Variants in UGT2B10 observed in about 807,000 individuals in gnomAD.
The protein encoded by UGT2B10 is UDP glucuronosyltransferase family 2 member B10, also known as UDP-glucuronosyltransferase 2B10.
A neutral mutation model predicts 43.7 loss-of-function variants in UGT2B10; 51 were observed. The ratio of observed to expected loss-of-function variants is 1.17; its 90% CI spans 0.93 to 1.47. The LOEUF is 1.47. UGT2B10 is among the 40% of genes most tolerant of loss of function. The probability of loss-of-function intolerance (pLI) is 0.00; values close to 1 mark genes in which losing one functional copy is unlikely to be tolerated. For synonymous variants in UGT2B10, 225 were observed against 209.0 expected (o/e 1.08, Z -0.66); for missense variants, 696 against 617.7 (o/e 1.13, Z -1.34).
rs373796027 is a variant in UGT2B10, at chr4:68,826,410, G to A, written c.1000G>A (p.Val334Ile). Residue 334 changes from valine to isoleucine, a missense_variant and splice_region_variant, in exon 4 of 6, where the codon GTT becomes ATT. Transcript: ENST00000265403. ...ATALAKIPQK[V>I]LWRFDGNKPD... ...TAAGATATTCTCTTTACTGTAACAG[G>A]TTCTTTGGAGATTTGATGGGAATAA... The A allele has an allele frequency of 3.7e-6, 6 of 1,609,966 alleles. No individual in the cohort carries two copies. Among genetic ancestry groups the A allele is most frequent in the East Asian group, 2.2e-5 (1 of 44,694 alleles).
At chr4:68,819,311 A>G (rs1485358569) in intron 2 of UGT2B10, among the ~76,000 whole-genome samples, 1 of 151,944 alleles carries the variant, frequency 6.6e-6, no homozygotes, top group Non-Finnish European at 1.5e-5. Flanking sequence ...CAGCACATCA[A>G]GGTTATATTG....
intron 3 of UGT2B10, among the ~76,000 whole-genome samples, chr4:68,825,581 A>T (rs1294272129): frequency 6.6e-6 from 1 of 152,016 alleles, no homozygotes; most frequent in African/African-American, 2.4e-5. Flanking sequence ...ATAAGTGAGG[A>T]CTTGTTACAC....
At position 68,829,594 on chromosome 4, in the gene UGT2B10, C is replaced by T. The variant is rs1737980091; in HGVS notation, c.1308-1006C>T. On this transcript the variant is annotated intron_variant, in intron 5 of 5. Coordinates refer to ENST00000265403, the MANE Select transcript of UGT2B10 (RefSeq NM_001075.6). ...ACAGAGAAAATCCTAGAGGTTCCGT[C>T]AGATTGTGGCCAGTAAAAGCCTCTC... Among the ~76,000 whole-genome samples the T allele has an allele frequency of 2.0e-5, 3 of 151,872 alleles. No homozygotes were observed. In the South Asian group the frequency reaches 6.2e-4, roughly 31 times the overall value.
intron 1 of UGT2B10, among the ~76,000 whole-genome samples, chr4:68,817,289 C>T (rs531636459): frequency 1.3e-5 from 2 of 151,778 alleles, no homozygotes; most frequent in South Asian, 4.1e-4. Context: ...TTTCTATACT[C>T]CTTCACTAAA....
At chr4:68,821,022 G>A (rs1206402502) in intron 2 of UGT2B10, among the ~76,000 whole-genome samples, 1 of 152,048 alleles carries the variant, frequency 6.6e-6, no homozygotes, top group Non-Finnish European at 1.5e-5. Flanking sequence ...TGTGGCTACA[G>A]GTAACTGCAA....
chr4:68,829,904 T>C (rs1380027942), intron 5 of UGT2B10, among the ~76,000 whole-genome samples: 2 of 152,006 alleles, frequency 1.3e-5, no homozygotes, highest in Non-Finnish European at 2.9e-5. Flanking sequence ...CAGGCAAAAA[T>C]CTTAATCAGG....
At position 68,816,348 on chromosome 4, in the gene UGT2B10, A is replaced by G. The variant is rs1458620801; in HGVS notation, c.329A>G (p.Gln110Arg). The G allele has an allele frequency of 6.2e-7, 1 of 1,613,124 alleles. No homozygotes were observed. The highest frequency in any genetic ancestry group is 1.1e-5 in the South Asian group (1 of 91,058). The part of the protein sequence containing the change: ...QKDTFWLPFS[Q>R]EQEILWAIND... Reference sequence around the variant, plus strand: ...GATACATTTTGGTTACCTTTTTCACAAGAACAAGAAATCCTGTGGGCAATT... The same window carrying G: ...GATACATTTTGGTTACCTTTTTCACGAGAACAAGAAATCCTGTGGGCAATT... The change falls in exon 1 of 6, where the codon CAA becomes CGA. Residue 110 changes from glutamine (Q) to arginine (R), a missense_variant. Physicochemically the swap from Gln to Arg is conservative, Grantham distance 43 (BLOSUM62 1). Transcript: ENST00000265403.
chr4:68,817,571 T>C (rs1483078717), intron 1 of UGT2B10, among the ~76,000 whole-genome samples: 1 of 151,764 alleles, frequency 6.6e-6, no homozygotes, highest in Admixed American at 6.6e-5. Context: ...CACAGTTAAC[T>C]TGAAGAACCA....
In UGT2B10 at chr4:68,816,604, T is replaced by A; in HGVS notation, c.585T>A (p.Val195=). The change falls in exon 1 of 6, where the codon GTT becomes GTA. Residue 195 remains valine (V), a synonymous_variant. Transcript: ENST00000265403. Reference sequence around the variant, plus strand: ...TTTTCCCTCCTTCCTACGTACCTGTTGTTATGTCAAAATTAAGTGATCAAA... The same window carrying A: ...TTTTCCCTCCTTCCTACGTACCTGTAGTTATGTCAAAATTAAGTGATCAAA... ...GFIFPPSYVP[V]VMSKLSDQMT... is the part of the protein sequence containing the mutation. 1 of 1,612,966 alleles carries A rather than the reference T, an allele frequency of 6.2e-7. No homozygotes were observed. The highest frequency in any genetic ancestry group is 8.5e-7 in the Non-Finnish European group (1 of 1,179,324).
rs1272358373 is a variant in UGT2B10, at chr4:68,822,343, A to G, written c.940A>G (p.Asn314Asp). ...VVFSLGSMVS[N>D]MTEERANVIA... ...GTTTTCTCTGGGGTCAATGGTCAGT[A>G]ACATGACAGAAGAAAGGGCCAACGT... Residue 314 changes from asparagine (N) to aspartate (D), a missense_variant, in exon 3 of 6, where the codon AAC (asparagine) becomes GAC (aspartate). By Grantham distance (23) the Asn-to-Asp change is conservative. Coordinates refer to ENST00000265403, the MANE Select transcript of UGT2B10 (RefSeq NM_001075.6). The G allele has an allele frequency of 2.5e-6, 4 of 1,613,686 alleles. No individual in the cohort carries two copies. Among genetic ancestry groups the G allele is most frequent in the African/African-American group, 1.3e-5 (1 of 74,918 alleles).
intron 5 of UGT2B10, among the ~76,000 whole-genome samples, chr4:68,828,858 CTA>C (rs1315682851): frequency 6.6e-6 from 1 of 151,840 alleles, no homozygotes; most frequent in Non-Finnish European, 1.5e-5. Flanking sequence ...ATCATAAAGA[CTA>C]TATGATCCAG....
chr4:68,822,479 A>G (rs892399448), intron 3 of UGT2B10, 77 bp downstream of exon 3: 30 of 1,602,478 alleles, frequency 1.9e-5, no homozygotes, highest in African/African-American at 1.8e-4. Context: ...TAGAAAGAAT[A>G]TTAAAGAGTA....
In UGT2B10 at chr4:68,816,092, G is replaced by T. The variant is rs373198156; in HGVS notation, c.73G>T (p.Val25Leu). 2 of 1,613,224 alleles carry T rather than the reference G, an allele frequency of 1.2e-6. No homozygotes were observed. The highest frequency in any genetic ancestry group is 1.7e-6 in the Non-Finnish European group (2 of 1,179,404). Residue 25 changes from valine (V) to leucine (L), a missense_variant, in exon 1 of 6, where the codon GTG (valine) becomes TTG (leucine). Physicochemically the swap from Val to Leu is conservative, Grantham distance 32. Coordinates refer to ENST00000265403, the MANE Select transcript of UGT2B10 (RefSeq NM_001075.6). ...CTTTAGCTCTGGGAGTTGTGGAAAG[G>T]TGCTGGTATGGGCCGCAGAATACAG... is the stretch of plus-strand genomic sequence containing the variant. ...FYFSSGSCGK[V>L]LVWAAEYSLW...
At chr4:68,828,336 TA>T (rs1737906779) in intron 5 of UGT2B10, among the ~76,000 whole-genome samples, 1 of 152,046 alleles carries the variant, frequency 6.6e-6, no homozygotes, top group Non-Finnish European at 1.5e-5. Flanking sequence ...ACTTGTATAA[TA>T]TTTTTTAATA....
intron 1 of UGT2B10, among the ~76,000 whole-genome samples, chr4:68,817,118 A>G (rs1470370931): frequency 2.0e-5 from 3 of 151,826 alleles, no homozygotes; most frequent in Admixed American, 6.6e-5. Context: ...TTCTACAACT[A>G]TCTATATAAC....
At chr4:68,817,137 T>G (rs835309) in intron 1 of UGT2B10, among the ~76,000 whole-genome samples, 118,730 of 151,640 alleles carry the variant, frequency 0.78, 49,490 homozygotes, top group South Asian at 0.94. Flanking sequence ...ACTGCAGAAA[T>G]TTTTCCTTCT....
intron 5 of UGT2B10, among the ~76,000 whole-genome samples, chr4:68,828,871 C>G (rs1182676823): frequency 6.6e-6 from 1 of 151,712 alleles, no homozygotes; most frequent in East Asian, 1.9e-4. Context: ...TATGATCCAG[C>G]CATAGTGGAA....
At chr4:68,823,542 T>C (rs1296585294) in intron 3 of UGT2B10, among the ~76,000 whole-genome samples, 4 of 152,112 alleles carry the variant, frequency 2.6e-5, no homozygotes, top group Admixed American at 2.0e-4. Flanking sequence ...GACTCTACTG[T>C]AGTATATTTC....
chr4:68,828,745 TG>T (rs1336944476), intron 5 of UGT2B10, among the ~76,000 whole-genome samples: 2 of 152,016 alleles, frequency 1.3e-5, no homozygotes, highest in African/African-American at 4.8e-5. Context: ...ATATATCAAC[TG>T]GAAGACACAT....
Sources: allele counts gnomAD v4.1 joint callset (sites outside exome capture counted in the v4.1 genomes callset), GRCh38; gene constraint gnomAD v4.1.1; transcripts MANE v1.5; gene names NCBI Gene and HGNC (gene_info 2026-07-23, HGNC 2026-07-21).